The following LSAMP variants were observed in gnomAD, a reference collection of about 807,000 sequenced individuals.
LSAMP encodes the protein limbic system-associated membrane protein.
A neutral mutation model predicts 38.6 loss-of-function variants in LSAMP; 7 were observed. That is an observed-to-expected ratio of 0.18 (90% confidence interval 0.10 to 0.34). LSAMP has a LOEUF of 0.34. LSAMP is among the 10% of genes least tolerant of loss of function. The pLI is 1.00. For missense variants in LSAMP, 313 were observed against 420.0 expected, an observed-to-expected ratio of 0.75 and a Z score of 2.23; for synonymous variants, 154 against 166.8, an observed-to-expected ratio of 0.92 and a Z score of 0.59.
At chr3:115,981,471 T>A (rs1382775801) in intron 3 of LSAMP, among the ~76,000 whole-genome samples, 1 of 152,152 alleles carries the variant, frequency 6.6e-6, no homozygotes, top group Non-Finnish European at 1.5e-5. Context: ...CATTTTCCAA[T>A]CCTCTTTAAC....
At chr3:116,015,835 T>C (rs556069461) in intron 3 of LSAMP, among the ~76,000 whole-genome samples, 1 of 152,278 alleles carries the variant, frequency 6.6e-6, no homozygotes, top group Non-Finnish European at 1.5e-5. Flanking sequence ...TTCTTTCTTT[T>C]CTTTCCCTCA....
chr3:116,245,548 A>G (rs1364267168), intron 1 of LSAMP, among the ~76,000 whole-genome samples: 1 of 152,192 alleles, frequency 6.6e-6, no homozygotes, highest in African/African-American at 2.4e-5. Context: ...TCCTATATGC[A>G]AACTATATAC....
intron 1 of LSAMP, among the ~76,000 whole-genome samples, chr3:116,319,826 G>A (rs1390674997): frequency 6.6e-6 from 1 of 151,240 alleles, no homozygotes; most frequent in Non-Finnish European, 1.5e-5. Context: ...AATAAAAATG[G>A]AAAGTTTAGC....
At chr3:116,308,592 G>T (rs1275099523) in intron 1 of LSAMP, among the ~76,000 whole-genome samples, 6 of 28,584 alleles carry the variant, frequency 2.1e-4, no homozygotes, top group African/African-American at 6.8e-4. Flanking sequence ...TATATTTCAT[G>T]ACTCCAAATT....
intron 1 of LSAMP, among the ~76,000 whole-genome samples, chr3:116,271,541 G>T (rs919502516): frequency 1.3e-5 from 2 of 152,018 alleles, no homozygotes; most frequent in Non-Finnish European, 2.9e-5. Flanking sequence ...AGATTTCTTT[G>T]GTGGAAGAAT....
At chr3:116,122,957 C>T (rs1365335593) in intron 1 of LSAMP, among the ~76,000 whole-genome samples, 1 of 152,120 alleles carries the variant, frequency 6.6e-6, no homozygotes, top group African/African-American at 2.4e-5. Flanking sequence ...AAATAAATAG[C>T]TGTATAGTGA....
chr3:116,071,488 T>C (rs2107382383), intron 2 of LSAMP, among the ~76,000 whole-genome samples: 1 of 152,334 alleles, frequency 6.6e-6, no homozygotes, highest in East Asian at 1.9e-4. Flanking sequence ...TATATTTTAT[T>C]CTTTTTTTCC....
chr3:116,083,415 T>C (rs1332355465), intron 2 of LSAMP, among the ~76,000 whole-genome samples: 1 of 152,208 alleles, frequency 6.6e-6, no homozygotes, highest in Non-Finnish European at 1.5e-5. Flanking sequence ...ATTTTTCATA[T>C]GACAAAACTG....
intron 3 of LSAMP, among the ~76,000 whole-genome samples, chr3:115,945,135 T>A (rs1304269247): frequency 6.6e-6 from 1 of 152,182 alleles, no homozygotes; most frequent in Non-Finnish European, 1.5e-5. Context: ...TTTTCTTGGC[T>A]ATTCAACATA....
intron 2 of LSAMP, among the ~76,000 whole-genome samples, chr3:116,027,563 A>G (rs973680091): frequency 1.3e-4 from 20 of 152,154 alleles, no homozygotes; most frequent in Non-Finnish European, 2.2e-4. Context: ...TAATAAGGGG[A>G]AAATTTGAAG....
chr3:115,822,382 CAG>C (rs1254103221), intron 6 of LSAMP, among the ~76,000 whole-genome samples: 1 of 103,722 alleles, frequency 9.6e-6, no homozygotes, highest in African/African-American at 3.7e-5. Flanking sequence ...TTTTTTTTGA[CAG>C]AGTTTCGCTC....
chr3:115,923,630 A>C (rs1559882711), intron 3 of LSAMP, among the ~76,000 whole-genome samples: 1 of 152,174 alleles, frequency 6.6e-6, no homozygotes, highest in African/African-American at 2.4e-5. Flanking sequence ...CTATTGGCTA[A>C]TTACTATTAT....
At chr3:115,874,095 A>T (rs1226453317) in intron 3 of LSAMP, among the ~76,000 whole-genome samples, 6 of 152,160 alleles carry the variant, frequency 3.9e-5, no homozygotes, top group Admixed American at 3.9e-4. Flanking sequence ...ACATCTAATG[A>T]AGACTTGAAT....
At chr3:116,068,183 A>G (rs1707506925) in intron 2 of LSAMP, among the ~76,000 whole-genome samples, 1 of 152,258 alleles carries the variant, frequency 6.6e-6, no homozygotes, top group Admixed American at 6.5e-5. Context: ...GTTATCCAGC[A>G]GAGAGCAGAT....
chr3:115,857,960 G>A (rs1040176250), intron 3 of LSAMP, among the ~76,000 whole-genome samples: 1 of 152,158 alleles, frequency 6.6e-6, no homozygotes, highest in African/African-American at 2.4e-5. Flanking sequence ...TGCCTTCGGA[G>A]TTCCATGCTT....
At chr3:115,835,003 G>A (rs1449012450) in intron 6 of LSAMP, among the ~76,000 whole-genome samples, 1 of 152,064 alleles carries the variant, frequency 6.6e-6, no homozygotes, top group Non-Finnish European at 1.5e-5. Flanking sequence ...ATGAACGTGT[G>A]TCAGCTACAG....
At chr3:116,242,699 C>T (rs1432789962) in intron 1 of LSAMP, among the ~76,000 whole-genome samples, 1 of 151,546 alleles carries the variant, frequency 6.6e-6, no homozygotes, top group Non-Finnish European at 1.5e-5. Flanking sequence ...GATAAATTTG[C>T]TTTTCTTCTG....
At chr3:116,238,372 G>A (rs1400984170) in intron 1 of LSAMP, among the ~76,000 whole-genome samples, 1 of 152,156 alleles carries the variant, frequency 6.6e-6, no homozygotes, top group Non-Finnish European at 1.5e-5. Flanking sequence ...TAGAACAGGA[G>A]CATAAAATAG....
At chr3:115,832,476 T>A (rs1452558960) in intron 6 of LSAMP, among the ~76,000 whole-genome samples, 2 of 152,184 alleles carry the variant, frequency 1.3e-5, no homozygotes, top group African/African-American at 4.8e-5. Context: ...ATGCTTCTCA[T>A]AGATATTTGG....
Sources: gnomAD v4.1 joint callset for allele counts (sites outside exome capture counted in the v4.1 genomes callset) on GRCh38, gnomAD v4.1.1 for gene constraint, MANE v1.5 for transcripts, NCBI Gene and HGNC (gene_info 2026-07-23, HGNC 2026-07-21) for gene names.